Variants in ADNP2 observed in about 807,000 individuals in gnomAD.
The protein encoded by ADNP2 is ADNP homeobox 2, also known as activity-dependent neuroprotector homeobox protein 2.
A neutral mutation model predicts 16.4 loss-of-function variants in ADNP2; 8 were observed. That is an observed-to-expected ratio of 0.49 (90% CI 0.29 to 0.88). The LOEUF (loss-of-function observed/expected upper bound fraction) is 0.88. ADNP2 is among the 40% of genes least tolerant of loss of function. ADNP2 has a pLI of 0.09. For synonymous variants in ADNP2, 637 were observed against 545.8 expected (o/e 1.17, Z -2.33); for missense variants, 1,397 against 1,395.1 (o/e 1.00, Z -0.02).
Position 80,136,664 on chromosome 18 carries a change from T to C in ADNP2, c.1251T>C (p.Gly417=). 1.2e-6 allele frequency: 2 copies of C among 1,613,592 alleles called. 1 individual carries two copies. Among genetic ancestry groups the C allele is most frequent in the Middle Eastern group, 3.3e-4 (2 of 6,060 alleles). ...CCATAAACAGACCTGTTGGGCCTGG[T>C]GTTCTTCCTGTGAGCCCCTCTGTCA... The part of the protein sequence containing the change: ...VGPINRPVGP[G]VLPVSPSVTP... Residue 417 remains glycine (G), a synonymous_variant, in exon 4 of 4, where the codon GGT becomes GGC. Transcript: ENST00000262198.
Position 80,118,301 on chromosome 18 carries a change from G to C in ADNP2, c.108+651G>C, listed in dbSNP as rs777717562. Reference sequence around the variant, plus strand: ...AAATTAGCTGGGTGTGGTGGCGGGCGCCTGTAGTTGCAGCTACTCAGGAGG... The same window carrying C: ...AAATTAGCTGGGTGTGGTGGCGGGCCCCTGTAGTTGCAGCTACTCAGGAGG... On this transcript the variant is annotated intron_variant, in intron 2 of 3. Coordinates refer to ENST00000262198, the MANE Select transcript of ADNP2 (RefSeq NM_014913.4). Among the ~76,000 whole-genome samples, 10 of 151,972 alleles carry C rather than the reference G, an allele frequency of 6.6e-5. No homozygotes were observed. In the East Asian group the frequency reaches 1.9e-3, roughly 29 times the overall value.
At position 80,138,575 on chromosome 18, in the gene ADNP2, G is replaced by T; in HGVS notation, c.3162G>T (p.Lys1054Asn). ...KKYEGRSYEE[K>N]KQFLKDYFHK... is the part of the protein sequence containing the mutation. ...ATGAAGGCCGTTCTTATGAAGAAAA[G>T]AAGCAATTTCTTAAAGATTATTTCC... Residue 1054 changes from lysine to asparagine, a missense_variant, in exon 4 of 4, where the codon AAG (lysine) becomes AAT (asparagine). Lys to Asn is a moderately conservative substitution (Grantham distance 94). Transcript: ENST00000262198. 1 of 1,609,480 alleles carries T rather than the reference G, an allele frequency of 6.2e-7. No individual in the cohort carries two copies. Among genetic ancestry groups the T allele is most frequent in the Non-Finnish European group, 8.5e-7 (1 of 1,179,032 alleles).
At chr18:80,123,710 A>G (rs1214068745) in intron 2 of ADNP2, among the ~76,000 whole-genome samples, 6 of 150,380 alleles carry the variant, frequency 4.0e-5, no homozygotes, top group African/African-American at 1.5e-4. Context: ...AGAAAAATTG[A>G]TGTTAGTTCT....
At position 80,133,202 on chromosome 18, in the gene ADNP2, T is replaced by G. The variant is rs778264048; in HGVS notation, c.198+10T>G. ...TTCTGGAAAGAAAGTGGTATGTATTTTTTGCATTTGTTTTTCATGTTTCCT... is the reference window on the plus strand; with the variant it reads ...TTCTGGAAAGAAAGTGGTATGTATTGTTTGCATTTGTTTTTCATGTTTCCT... On this transcript the variant is annotated intron_variant, in intron 3 of 3. Transcript: ENST00000262198. 13 of 1,604,972 alleles carry G rather than the reference T, an allele frequency of 8.1e-6. No individual in the cohort carries two copies. In the East Asian group the frequency reaches 2.5e-4, roughly 30 times the overall value.
chr18:80,117,661 G>C lies in ADNP2; in HGVS notation c.108+11G>C. 1 of 1,585,168 alleles carries C rather than the reference G, an allele frequency of 6.3e-7. No individual in the cohort carries two copies. The highest frequency in any genetic ancestry group is 8.6e-7 in the Non-Finnish European group (1 of 1,165,084). ...AAGGAGTTACTGAAGGTAAGAGGAC[G>C]TAAGTAGCCAACTGGAATCTGGAGG... On this transcript the variant is annotated intron_variant, in intron 2 of 3. Coordinates refer to ENST00000262198, the MANE Select transcript of ADNP2 (RefSeq NM_014913.4).
intron 3 of ADNP2, 138 bp downstream of exon 3, chr18:80,133,330 G>T: frequency 1.4e-6 from 1 of 721,500 alleles, no homozygotes. Context: ...TTTCAGAGAA[G>T]TAGCAAGAAA....
intron 1 of ADNP2, among the ~76,000 whole-genome samples, chr18:80,111,437 C>A (rs549301153): frequency 7.2e-5 from 11 of 152,086 alleles, no homozygotes; most frequent in Non-Finnish European, 1.5e-4. Context: ...AATGGTGGAG[C>A]TGATGTAAAC....
intron 1 of ADNP2, among the ~76,000 whole-genome samples, chr18:80,114,730 C>T (rs563749472): frequency 2.0e-5 from 3 of 152,236 alleles, no homozygotes; most frequent in African/African-American, 7.2e-5. Context: ...TGGGTCAGTT[C>T]TATTCAGACA....
At position 80,137,356 on chromosome 18, in the gene ADNP2, C is replaced by T; in HGVS notation, c.1943C>T (p.Ala648Val). The T allele has an allele frequency of 6.2e-7, 1 of 1,614,150 alleles. No individual in the cohort carries two copies. Among genetic ancestry groups the T allele is most frequent in the Non-Finnish European group, 8.5e-7 (1 of 1,180,028 alleles). Reference protein sequence around the residue: ...QMPIQLLPSGAAAPMAGSMPG... With the variant: ...QMPIQLLPSGVAAPMAGSMPG... ...CCCATCCAGCTCCTGCCGTCAGGTG[C>T]AGCTGCACCAATGGCCGGTTCCATG... The change falls in exon 4 of 4, where the codon GCA (alanine) becomes GTA (valine). Residue 648 changes from alanine (A) to valine (V), a missense_variant. Ala to Val is a moderately conservative substitution (Grantham distance 64). Around this residue, in one of 3 missense-constraint regions of ADNP2, gnomAD observed 611 missense variants for 648.7 expected, o/e 0.94. Transcript: ENST00000262198. This position sits in a 1 kb window ranked among gnomAD's most constrained non-coding sequence, Gnocchi z 4.2.
rs142729834 is a variant in ADNP2, at chr18:80,119,885, G to A, written c.108+2235G>A. On this transcript the variant is annotated intron_variant, in intron 2 of 3. Coordinates refer to ENST00000262198, the MANE Select transcript of ADNP2 (RefSeq NM_014913.4). ...TTGCCACCTTGCTGCACACTGAGAT[G>A]CCACAGCAAGTGCATTCAACCACCT... Among the ~76,000 whole-genome samples the A allele has an allele frequency of 1.6e-4, 25 of 152,306 alleles. 1 individual carries two copies. The highest frequency in any genetic ancestry group is 3.4e-3 in the Middle Eastern group (1 of 294).
At chr18:80,125,611 C>G (rs1455965324) in intron 2 of ADNP2, among the ~76,000 whole-genome samples, 2 of 151,874 alleles carry the variant, frequency 1.3e-5, no homozygotes, top group African/African-American at 4.8e-5. Context: ...CCACTGCACT[C>G]CAGCCTGGGC....
At chr18:80,121,434 G>T (rs761208477) in intron 2 of ADNP2, among the ~76,000 whole-genome samples, 4 of 152,126 alleles carry the variant, frequency 2.6e-5, no homozygotes, top group African/African-American at 4.8e-5. Context: ...TCCTTATTCT[G>T]GGTATTAAAC....
chr18:80,120,769 C>A (rs2052419401), intron 2 of ADNP2, among the ~76,000 whole-genome samples: 2 of 152,300 alleles, frequency 1.3e-5, no homozygotes, highest in South Asian at 4.1e-4. Flanking sequence ...ATTCTCCTGC[C>A]TCCGCCTCAT....
intron 1 of ADNP2, among the ~76,000 whole-genome samples, chr18:80,117,082 T>C (rs2052393940): frequency 6.6e-6 from 1 of 152,258 alleles, no homozygotes; most frequent in African/African-American, 2.4e-5. Flanking sequence ...TATAAGTTCC[T>C]TATTAGAAAG....
At position 80,138,994 on chromosome 18, in the gene ADNP2, A is replaced by G. The variant is rs1022082031; in HGVS notation, c.*185A>G. 9 of 473,360 alleles carry G rather than the reference A, an allele frequency of 1.9e-5. No homozygotes were observed. Among genetic ancestry groups the G allele is most frequent in the African/African-American group, 6.1e-5 (3 of 49,558 alleles). 29.3% of individuals were successfully genotyped at this position (473,360 alleles called of 1,614,324 possible). Reference sequence around the variant, plus strand: ...GGAAGCCAGTAGTTATTTCACATCTATTGTTTCCTGCAGTTTGATTTGTAA... The same window carrying G: ...GGAAGCCAGTAGTTATTTCACATCTGTTGTTTCCTGCAGTTTGATTTGTAA... On this transcript the variant is annotated 3_prime_UTR_variant, in exon 4 of 4. Coordinates refer to ENST00000262198, the MANE Select transcript of ADNP2 (RefSeq NM_014913.4).
chr18:80,138,237 C>G lies in ADNP2; in HGVS notation c.2824C>G (p.Pro942Ala). 1 of 1,614,126 alleles carries G rather than the reference C, an allele frequency of 6.2e-7. No homozygotes were observed. Among genetic ancestry groups the G allele is most frequent in the Non-Finnish European group, 8.5e-7 (1 of 1,180,040 alleles). The change falls in exon 4 of 4, where the codon CCC (proline) becomes GCC (alanine). Residue 942 changes from proline (P) to alanine (A), a missense_variant. This residue lies in a region of ADNP2 where 611 missense variants were observed against 648.7 expected (regional missense o/e 0.94). Transcript: ENST00000262198. ...CCATTTGGTGCGCTGCAGAAGTGCTCCCAAGGACAGCAGCTCAGACCTGCA... is the reference window on the plus strand; with the variant it reads ...CCATTTGGTGCGCTGCAGAAGTGCTGCCAAGGACAGCAGCTCAGACCTGCA... ...AVHLVRCRSA[P>A]KDSSSDLQAQ...
intron 3 of ADNP2, chr18:80,133,634 G>C: frequency 5.5e-6 from 1 of 181,014 alleles, no homozygotes; most frequent in Non-Finnish European, 1.1e-5. Flanking sequence ...GCTAAAACAT[G>C]AGCCATACTG....
At position 80,135,974 on chromosome 18, in the gene ADNP2, T is replaced by C. The variant is rs900827364; in HGVS notation, c.561T>C (p.Phe187=). 6 of 1,614,250 alleles carry C rather than the reference T, an allele frequency of 3.7e-6. No homozygotes were observed. The highest frequency in any genetic ancestry group is 5.1e-6 in the Non-Finnish European group (6 of 1,180,044). Reference sequence around the variant, plus strand: ...TTCACTACTTAATTAACTCCTACTTTGGCCTAAGAACTGAGGAAATGGGTG... The same window carrying C: ...TTCACTACTTAATTAACTCCTACTTCGGCCTAAGAACTGAGGAAATGGGTG... ...AHFHYLINSY[F]GLRTEEMGEQ... The change falls in exon 4 of 4, where the codon TTT becomes TTC. Residue 187 remains phenylalanine, a synonymous_variant. Transcript: ENST00000262198.
At position 80,135,907 on chromosome 18, in the gene ADNP2, CTT is replaced by C; in HGVS notation, c.496_497del (p.Leu166ValfsTer18). The C allele has an allele frequency of 6.2e-7, 1 of 1,614,228 alleles. No homozygotes were observed. The highest frequency in any genetic ancestry group is 8.5e-7 in the Non-Finnish European group (1 of 1,180,042). Reference sequence around the variant, plus strand: ...TGTCTAAAATGTAACTTTTCAAACACTTTGTACTACAGCATGAAGAAGCATGT... The same window carrying C: ...TGTCTAAAATGTAACTTTTCAAACACTGTACTACAGCATGAAGAAGCATGT... On this transcript the variant is annotated frameshift_variant, in exon 4 of 4. Coordinates refer to ENST00000262198, the MANE Select transcript of ADNP2 (RefSeq NM_014913.4). LOFTEE classifies it low-confidence loss of function (END_TRUNC).
Sources: gnomAD v4.1 joint callset for allele counts (sites outside exome capture counted in the v4.1 genomes callset) on GRCh38, gnomAD v4.1.1 for gene constraint, gnomAD v4.1.1 regional missense constraint, Gnocchi (gnomAD v3.1) non-coding constraint, MANE v1.5 for transcripts, NCBI Gene and HGNC (gene_info 2026-07-23, HGNC 2026-07-21) for gene names.